Variants in EFCAB13 observed in about 807,000 individuals in gnomAD.
The protein encoded by EFCAB13 is EF-hand calcium binding domain 13.
EFCAB13 carries 91 observed loss-of-function variants against 110.2 expected under a neutral mutation model. The ratio of observed to expected loss-of-function variants is 0.83; its 90% CI spans 0.70 to 0.98. EFCAB13 has a LOEUF of 0.98. Among genes scored for constraint, EFCAB13 ranks in the 50% least tolerant of loss-of-function variants. The pLI is 0.00. For synonymous variants in EFCAB13, 323 were observed against 369.9 expected (o/e 0.87, Z 1.45); for missense variants, 968 against 1,119.4 (o/e 0.86, Z 1.93).
intron 4 of EFCAB13, among the ~76,000 whole-genome samples, chr17:47,334,858 T>C (rs996758910): frequency 6.6e-6 from 1 of 152,132 alleles, no homozygotes; most frequent in African/African-American, 2.4e-5. Flanking sequence ...AAGGCTGCAG[T>C]GAGCCATGAT....
intron 24 of EFCAB13, among the ~76,000 whole-genome samples, chr17:47,433,304 CTGA>C (rs1316782902): frequency 2.6e-5 from 4 of 152,070 alleles, no homozygotes; most frequent in Non-Finnish European, 5.9e-5. Context: ...TGATTTGTTA[CTGA>C]TGATATTAAC....
At position 47,335,465 on chromosome 17, in the gene EFCAB13, A is replaced by C. The variant is rs1425307370; in HGVS notation, c.191+109A>C. 6.0e-6 allele frequency: 5 copies of C among 838,006 alleles called. No homozygotes were observed. The South Asian group carries it at 1.1e-4, about 19-fold the overall frequency. 51.9% of individuals were successfully genotyped at this position (838,006 alleles called of 1,614,324 possible). On this transcript the variant is annotated intron_variant, in intron 5 of 24. Transcript: ENST00000331493. ...TCTCATAATGTACCATGTGTATAGG[A>C]TCATGCATATTTGTGGTCATTCTTT...
chr17:47,429,693 A>T (rs1480228470), intron 23 of EFCAB13, 125 bp from the exon 24 acceptor site: 1 of 1,230,368 alleles, frequency 8.1e-7, no homozygotes, highest in Non-Finnish European at 1.1e-6. Flanking sequence ...CTATACAAAT[A>T]GTTCCATGTA....
intron 14 of EFCAB13, 40 bp from the exon 15 acceptor site, chr17:47,391,397 C>A: frequency 7.1e-7 from 1 of 1,416,452 alleles, no homozygotes; most frequent in South Asian, 1.7e-5. Flanking sequence ...TTATTTTTGA[C>A]TTATATTTAA....
chr17:47,436,227 T>C (rs896902377), intron 24 of EFCAB13, among the ~76,000 whole-genome samples: 2 of 152,118 alleles, frequency 1.3e-5, no homozygotes, highest in African/African-American at 2.4e-5. Context: ...TATCAGTCCG[T>C]AGTTTTCTTT....
intron 9 of EFCAB13, among the ~76,000 whole-genome samples, chr17:47,351,703 A>G (rs1030432843): frequency 2.6e-5 from 4 of 152,056 alleles, no homozygotes; most frequent in Admixed American, 6.5e-5. Context: ...TTGGATGCAT[A>G]GTTTGCAAAT....
chr17:47,398,258 CG>C (rs2065758130), intron 17 of EFCAB13, among the ~76,000 whole-genome samples: 1 of 137,086 alleles, frequency 7.3e-6, no homozygotes, highest in African/African-American at 2.6e-5. Context: ...GCCCCCCGCC[CG>C]GCCAGCCACC....
In EFCAB13 at chr17:47,351,591, T is replaced by C. The variant is rs144373553; in HGVS notation, c.661+3640T>C. On this transcript the variant is annotated intron_variant, in intron 9 of 24. Transcript: ENST00000331493. Reference sequence around the variant, plus strand: ...CATTTATATATCTTCTTTTGAAAAATGTCTATTCATGTCATTTGCCCACTT... The same window carrying C: ...CATTTATATATCTTCTTTTGAAAAACGTCTATTCATGTCATTTGCCCACTT... Among the ~76,000 whole-genome samples, 417 of 152,284 alleles carry C rather than the reference T, an allele frequency of 2.7e-3. 2 individuals are homozygous for C. Among genetic ancestry groups the C allele is most frequent in the South Asian group, 6.8e-3 (33 of 4,832 alleles).
intron 5 of EFCAB13, among the ~76,000 whole-genome samples, chr17:47,340,710 C>T (rs1399061476): frequency 6.6e-6 from 1 of 151,508 alleles, no homozygotes; most frequent in Non-Finnish European, 1.5e-5. Flanking sequence ...AGCAATTCTC[C>T]TGCCTCAGCC....
At chr17:47,328,418 TTTC>T (rs762967129) in intron 4 of EFCAB13, 35 bp downstream of exon 4, 4 of 1,503,358 alleles carry the variant, frequency 2.7e-6, no homozygotes, top group South Asian at 2.5e-5. Context: ...AGATTTCTTC[TTTC>T]TTCTTTTTAA....
chr17:47,334,127 T>G (rs955145835), intron 4 of EFCAB13, among the ~76,000 whole-genome samples: 3 of 112,686 alleles, frequency 2.7e-5, no homozygotes, highest in African/African-American at 8.8e-5. Flanking sequence ...AGTTTTATAG[T>G]TTTTTTTTTG....
At chr17:47,403,220 T>C (rs980166051) in intron 18 of EFCAB13, among the ~76,000 whole-genome samples, 2 of 152,200 alleles carry the variant, frequency 1.3e-5, no homozygotes, top group African/African-American at 4.8e-5. Flanking sequence ...AAATATGACA[T>C]TTATTGAGGC....
At chr17:47,414,613 C>T (rs9900360) in intron 22 of EFCAB13, among the ~76,000 whole-genome samples, 78,611 of 151,732 alleles carry the variant, frequency 0.52, 20,834 homozygotes, top group Middle Eastern at 0.56. Context: ...AAAAGGGTTC[C>T]TAGTATATAT....
intron 17 of EFCAB13, among the ~76,000 whole-genome samples, chr17:47,400,567 T>G (rs1461190204): frequency 1.3e-5 from 2 of 152,066 alleles, no homozygotes; most frequent in African/African-American, 2.4e-5. Context: ...GATGGCTCCC[T>G]GCTTCCTTTC....
intron 17 of EFCAB13, among the ~76,000 whole-genome samples, chr17:47,398,005 G>C (rs1056172316): frequency 6.0e-5 from 9 of 149,716 alleles, no homozygotes; most frequent in African/African-American, 2.2e-4. Context: ...GCCCCGTCCG[G>C]GAGGGAGGTG....
In EFCAB13 at chr17:47,402,203, G is replaced by A; in HGVS notation, c.2017G>A (p.Glu673Lys). The A allele has an allele frequency of 2.5e-6, 4 of 1,612,158 alleles. No homozygotes were observed. Among genetic ancestry groups the A allele is most frequent in the Non-Finnish European group, 3.4e-6 (4 of 1,178,340 alleles). ...TATGCGTGATGCTGCCAGGTTAGAAGGTAAGTACTGAATTATTTATAACGG... is the reference window on the plus strand; with the variant it reads ...TATGCGTGATGCTGCCAGGTTAGAAAGTAAGTACTGAATTATTTATAACGG... ...RNMRDAARLE[E>K]LQEVVLAADL... The change falls in exon 18 of 25, where the codon GAG becomes AAG. Residue 673 changes from glutamate to lysine, a missense_variant and splice_region_variant. Physicochemically the swap from Glu to Lys is moderately conservative, Grantham distance 56. Transcript: ENST00000331493.
intron 5 of EFCAB13, among the ~76,000 whole-genome samples, chr17:47,337,442 A>G (rs2065357679): frequency 6.6e-6 from 1 of 152,230 alleles, no homozygotes; most frequent in Non-Finnish European, 1.5e-5. Flanking sequence ...GCCTATGTGC[A>G]TGTAAGAAAT....
At chr17:47,336,929 A>G (rs2065354679) in intron 5 of EFCAB13, among the ~76,000 whole-genome samples, 1 of 152,176 alleles carries the variant, frequency 6.6e-6, no homozygotes, top group Non-Finnish European at 1.5e-5. Context: ...AGCTTATGTC[A>G]CTTTATCTTT....
intron 11 of EFCAB13, among the ~76,000 whole-genome samples, chr17:47,372,584 T>C (rs1483241244): frequency 6.6e-6 from 1 of 152,210 alleles, no homozygotes; most frequent in East Asian, 1.9e-4. Context: ...CAGCATCCTT[T>C]TCTTTTGGCT....
Sources: gnomAD v4.1 joint callset for allele counts (sites outside exome capture counted in the v4.1 genomes callset) on GRCh38, gnomAD v4.1.1 for gene constraint, MANE v1.5 for transcripts, NCBI Gene and HGNC (gene_info 2026-07-23, HGNC 2026-07-21) for gene names.